Variants in BTBD1 observed in about 807,000 individuals in gnomAD.
BTBD1 encodes BTB/POZ domain-containing protein 1.
BTBD1 carries 34 observed loss-of-function variants against 48.0 expected under a neutral mutation model. The observed-to-expected ratio is 0.71, with a 90% CI of 0.54 to 0.94. BTBD1 has a LOEUF of 0.94. BTBD1 is among the 40% of genes least tolerant of loss of function. BTBD1 has a pLI of 0.00. For synonymous variants in BTBD1, 261 were observed against 242.1 expected (o/e 1.08, Z -0.72); for missense variants, 543 against 625.6 (o/e 0.87, Z 1.41).
At chr15:83,026,223 C>G (rs2032403616) in intron 5 of BTBD1, among the ~76,000 whole-genome samples, 1 of 152,068 alleles carries the variant, frequency 6.6e-6, no homozygotes, top group Non-Finnish European at 1.5e-5. Flanking sequence ...GGCCACTATT[C>G]TCTTTTATTG....
intron 4 of BTBD1, 73 bp downstream of exon 4, chr15:83,041,655 T>G: frequency 3.7e-5 from 53 of 1,421,618 alleles, no homozygotes; most frequent in Middle Eastern, 1.8e-4. Context: ...ATTATAGGTG[T>G]GAGCCACCAG....
At position 83,018,857 on chromosome 15, in the gene BTBD1, T is replaced by TA; in HGVS notation, c.1144-5dup. The TA allele has an allele frequency of 6.2e-7, 1 of 1,610,286 alleles. No homozygotes were observed. Among genetic ancestry groups the TA allele is most frequent in the South Asian group, 1.1e-5 (1 of 90,460 alleles). On this transcript the variant is annotated splice_polypyrimidine_tract_variant and splice_region_variant and intron_variant, in intron 6 of 7. Transcript: ENST00000261721. ...GCTTTTTCTCATATTCAATGATCTG[T>TA]AATTTTTAAGAGACAAGTTACATTT...
intron 3 of BTBD1, among the ~76,000 whole-genome samples, chr15:83,043,893 C>T (rs1338749309): frequency 1.3e-5 from 2 of 152,162 alleles, no homozygotes; most frequent in African/African-American, 2.4e-5. Flanking sequence ...CTCAGGTCCT[C>T]ACTCAGAACC....
intron 4 of BTBD1, among the ~76,000 whole-genome samples, chr15:83,037,511 A>T (rs2032653332): frequency 6.6e-6 from 1 of 152,228 alleles, no homozygotes; most frequent in Non-Finnish European, 1.5e-5. Context: ...AAAAGCCCTC[A>T]ACAAACTAGG....
In BTBD1 at chr15:83,016,792, T is replaced by G. The variant is rs1455081043; in HGVS notation, c.*1275A>C. 1 of 152,202 alleles carries G rather than the reference T, an allele frequency of 6.6e-6. No individual in the cohort carries two copies. Among genetic ancestry groups the G allele is most frequent in the East Asian group, 1.9e-4 (1 of 5,206 alleles). The allele number at this position is 152,202 out of a possible 1,614,324, so 9.4% of individuals were successfully genotyped here. A position where few individuals can be genotyped will look rare whatever the true frequency, so the allele number is the denominator to read the frequency against. The stretch of plus-strand genomic sequence containing the variant: ...AAGAGACCTCAGCCACCAATATACC[T>G]ACCTTCTTTACAATATAAAGTGAAA... On this transcript the variant is annotated 3_prime_UTR_variant, in exon 8 of 8. Coordinates refer to ENST00000261721, the MANE Select transcript of BTBD1 (RefSeq NM_025238.4).
At chr15:83,047,155 A>G (rs1257652098) in intron 3 of BTBD1, among the ~76,000 whole-genome samples, 5 of 152,210 alleles carry the variant, frequency 3.3e-5, no homozygotes, top group African/African-American at 1.2e-4. Flanking sequence ...AAAGTAAACA[A>G]TCAACATATA....
At chr15:83,023,071 A>G (rs1477644038) in intron 5 of BTBD1, among the ~76,000 whole-genome samples, 1 of 152,164 alleles carries the variant, frequency 6.6e-6, no homozygotes. Context: ...AACCCCTTAC[A>G]ATTTTTAATC....
Position 83,066,933 on chromosome 15 carries a change from G to T in BTBD1, c.219C>A (p.Phe73Leu). Residue 73 changes from phenylalanine (F) to leucine (L), a missense_variant, in exon 1 of 8, where the codon TTC becomes TTA. Physicochemically the swap from Phe to Leu is conservative, Grantham distance 22. Transcript: ENST00000261721. ...CGGCGCCGCGACCCTTGCCCAGTAC[G>T]AAGCGCACATCGCTCAGCAGCTCCG... Reference protein sequence around the residue: ...FNSELLSDVRFVLGKGRGAAA... With the variant: ...FNSELLSDVRLVLGKGRGAAA... The T allele has an allele frequency of 1.3e-6, 2 of 1,570,248 alleles. No individual in the cohort carries two copies. The highest frequency in any genetic ancestry group is 8.6e-7 in the Non-Finnish European group (1 of 1,161,730).
At chr15:83,063,953 G>A (rs570151923) in intron 1 of BTBD1, among the ~76,000 whole-genome samples, 31 of 152,262 alleles carry the variant, frequency 2.0e-4, no homozygotes, top group African/African-American at 6.3e-4. Flanking sequence ...TGAGGGCAAG[G>A]ACTTTTTCTT....
At chr15:83,062,743 G>C (rs946684570) in intron 1 of BTBD1, among the ~76,000 whole-genome samples, 2 of 152,190 alleles carry the variant, frequency 1.3e-5, no homozygotes, top group Non-Finnish European at 2.9e-5. Context: ...GTGGGGGAAT[G>C]AGTGCGTAAA....
intron 4 of BTBD1, 37 bp from the exon 5 acceptor site, chr15:83,030,365 T>C (rs761084676): frequency 7.2e-6 from 11 of 1,533,398 alleles, no homozygotes; most frequent in Admixed American, 5.6e-5. Flanking sequence ...AAAAAGGAAT[T>C]TGATTTCAAT....
At chr15:83,029,187 C>T (rs962837487) in intron 5 of BTBD1, among the ~76,000 whole-genome samples, 15 of 152,130 alleles carry the variant, frequency 9.9e-5, no homozygotes, top group Admixed American at 9.8e-4. Flanking sequence ...TTATAATAGT[C>T]CCACATCCAA....
At chr15:83,027,339 C>A (rs1340527222) in intron 5 of BTBD1, among the ~76,000 whole-genome samples, 3 of 152,126 alleles carry the variant, frequency 2.0e-5, no homozygotes, top group African/African-American at 7.2e-5. Context: ...GCAACAAGAG[C>A]GAAACTCTAT....
At chr15:83,058,517 G>A (rs1320136313) in intron 1 of BTBD1, among the ~76,000 whole-genome samples, 2 of 152,164 alleles carry the variant, frequency 1.3e-5, no homozygotes, top group Admixed American at 6.5e-5. Context: ...GTTGAGGCAG[G>A]AGACTCACTT....
At position 83,016,846 on chromosome 15, in the gene BTBD1, C is replaced by T. The variant is rs1327319971; in HGVS notation, c.*1221G>A. 6.6e-6 allele frequency: 1 copy of T among 152,016 alleles called. No homozygotes were observed. The highest frequency in any genetic ancestry group is 1.9e-4 in the East Asian group (1 of 5,190). The allele number at this position is 152,016 out of a possible 1,614,324, so 9.4% of individuals were successfully genotyped here. A position where few individuals can be genotyped will look rare whatever the true frequency, so the allele number is the denominator to read the frequency against. ...TACTTTAGATGAAAATTTTTTGTATCTTACTTAGAAAAAATTAAGTTGATA... is the reference window on the plus strand; with the variant it reads ...TACTTTAGATGAAAATTTTTTGTATTTTACTTAGAAAAAATTAAGTTGATA... On this transcript the variant is annotated 3_prime_UTR_variant, in exon 8 of 8. Transcript: ENST00000261721.
intron 4 of BTBD1, among the ~76,000 whole-genome samples, chr15:83,040,651 G>A (rs2032734445): frequency 7.2e-6 from 1 of 138,538 alleles, no homozygotes; most frequent in African/African-American, 2.7e-5. Flanking sequence ...GGTGAGCTGA[G>A]ATCGCACGAC....
chr15:83,054,563 CTTTT>C (rs1178762435), intron 2 of BTBD1, among the ~76,000 whole-genome samples: 3 of 130,412 alleles, frequency 2.3e-5, no homozygotes, highest in Non-Finnish European at 3.2e-5. Flanking sequence ...AACATTTTTT[CTTTT>C]TTTTTTTTTT....
rs1323256563 is a variant in BTBD1, at chr15:83,030,158, T to G, written c.1033A>C (p.Ser345Arg). The change falls in exon 5 of 8, where the codon AGT (serine) becomes CGT (arginine). Residue 345 changes from serine (S) to arginine (R), a missense_variant. By Grantham distance (110) the Ser-to-Arg change is moderately radical. Coordinates refer to ENST00000261721, the MANE Select transcript of BTBD1 (RefSeq NM_025238.4). ...FQQVESRWGY[S>R]GTSDRIRFTV... ...TACCTGATTCGATCACTCGTCCCAC[T>G]GTAACCCCAGCGGCTTTCTACTTGC... 2 of 1,613,994 alleles carry G rather than the reference T, an allele frequency of 1.2e-6. No homozygotes were observed. Among genetic ancestry groups the G allele is most frequent in the African/African-American group, 1.3e-5 (1 of 74,916 alleles).
At chr15:83,021,282 C>T (rs748721289) in intron 5 of BTBD1, among the ~76,000 whole-genome samples, 44 of 152,164 alleles carry the variant, frequency 2.9e-4, no homozygotes, top group Non-Finnish European at 5.1e-4. Flanking sequence ...CAAATTGTAA[C>T]AAGAGCTGTG....
Sources: allele counts gnomAD v4.1 joint callset (sites outside exome capture counted in the v4.1 genomes callset), GRCh38; gene constraint gnomAD v4.1.1; transcripts MANE v1.5; gene names NCBI Gene and HGNC (gene_info 2026-07-23, HGNC 2026-07-21).